GABRA4: variants seen among roughly 807,000 people sequenced by gnomAD.
The protein encoded by GABRA4 is gamma-aminobutyric acid type A receptor subunit alpha4, also known as gamma-aminobutyric acid receptor subunit alpha-4.
A neutral mutation model predicts 49.7 loss-of-function variants in GABRA4; 12 were observed. The ratio of observed to expected loss-of-function variants is 0.24; its 90% CI spans 0.15 to 0.39. The LOEUF (loss-of-function observed/expected upper bound fraction) is 0.39, where lower values mean the gene tolerates loss of function less well. Ranked by LOEUF, GABRA4 falls within the 10% of genes least tolerant of loss-of-function variation. The probability of loss-of-function intolerance (pLI) is 1.00; values close to 1 mark genes in which losing one functional copy is unlikely to be tolerated. For synonymous variants in GABRA4, 288 were observed against 240.2 expected, an observed-to-expected ratio of 1.20 and a Z score of -1.84; for missense variants, 506 against 686.0, an observed-to-expected ratio of 0.74 and a Z score of 2.93.
chr4:46,939,782 A>G (rs1721729903), intron 8 of GABRA4, among the ~76,000 whole-genome samples: 1 of 151,924 alleles, frequency 6.6e-6, no homozygotes, highest in Non-Finnish European at 1.5e-5. Flanking sequence ...CTCACAAAAA[A>G]TTTTCTCATG....
chr4:46,977,275 A>AGGG, intron 4 of GABRA4, 132 bp from the exon 5 acceptor site: 2 of 427,600 alleles, frequency 4.7e-6, no homozygotes, highest in Non-Finnish European at 8.3e-6. Flanking sequence ...GAAGGAAGGG[A>AGGG]AGGAGGAAGG....
At chr4:46,949,780 T>A (rs1577760384) in intron 8 of GABRA4, among the ~76,000 whole-genome samples, 1 of 152,070 alleles carries the variant, frequency 6.6e-6, no homozygotes, top group Non-Finnish European at 1.5e-5. Flanking sequence ...TGAATGCAAT[T>A]CATAAGAAAC....
At chr4:46,978,948 C>G in intron 3 of GABRA4, 83 bp downstream of exon 3, 1 of 905,844 alleles carries the variant, frequency 1.1e-6, no homozygotes, top group Non-Finnish European at 1.8e-6. Flanking sequence ...GTGTGATTGA[C>G]AACAAAATAA....
At chr4:46,931,562 T>C (rs576108955) in intron 8 of GABRA4, among the ~76,000 whole-genome samples, 1 of 152,282 alleles carries the variant, frequency 6.6e-6, no homozygotes, top group South Asian at 2.1e-4. Context: ...TCCATATTCA[T>C]GCTCCACATT....
chr4:46,928,548 C>A lies in GABRA4; in HGVS notation c.1342G>T (p.Ala448Ser), dbSNP rs773406091. The A allele has an allele frequency of 1.9e-6, 3 of 1,613,656 alleles. No individual in the cohort carries two copies. Among genetic ancestry groups the A allele is most frequent in the Non-Finnish European group, 2.5e-6 (3 of 1,179,762 alleles). Residue 448 changes from alanine (A) to serine (S), a missense_variant, in exon 9 of 9, where the codon GCA (alanine) becomes TCA (serine). This residue lies in a region of GABRA4 where 243 missense variants were observed against 210.8 expected (regional missense o/e 1.15). Coordinates refer to ENST00000264318, the MANE Select transcript of GABRA4 (RefSeq NM_000809.4). ...GGAGAAGCAGATGGAAGTGCTCTTG[C>A]TGCAGATATGGTTTCAGCTGCATTT... ...RANAAETISA[A>S]RALPSASPTS...
At chr4:46,939,001 A>G (rs1028005) in intron 8 of GABRA4, among the ~76,000 whole-genome samples, 42,331 of 151,874 alleles carry the variant, frequency 0.28, 6,306 homozygotes, top group Admixed American at 0.39. Context: ...AGCCTGGGAG[A>G]TGGGAAAACC....
chr4:46,990,593 A>T (rs925206802), intron 2 of GABRA4, among the ~76,000 whole-genome samples: 3 of 152,224 alleles, frequency 2.0e-5, no homozygotes, highest in African/African-American at 7.2e-5. Context: ...ACTACATAGG[A>T]CTGGATACTT....
At chr4:46,970,988 A>T in intron 7 of GABRA4, 95 bp downstream of exon 7, 3 of 1,115,834 alleles carry the variant, frequency 2.7e-6, no homozygotes, top group Non-Finnish European at 2.6e-6. Context: ...GGATAGCCTG[A>T]TGTATTAGGG....
At chr4:46,940,349 T>C (rs569198725) in intron 8 of GABRA4, among the ~76,000 whole-genome samples, 1 of 152,188 alleles carries the variant, frequency 6.6e-6, no homozygotes, top group Non-Finnish European at 1.5e-5. Context: ...GAGCTCTATC[T>C]CTTGTTTCTG....
intron 5 of GABRA4, among the ~76,000 whole-genome samples, chr4:46,976,625 A>G (rs1723147753): frequency 1.3e-5 from 2 of 151,836 alleles, no homozygotes. Context: ...ACTTCTTCCA[A>G]GTTAGCTATG....
At chr4:46,933,705 G>A (rs969938906) in intron 8 of GABRA4, among the ~76,000 whole-genome samples, 6 of 152,176 alleles carry the variant, frequency 3.9e-5, no homozygotes, top group Admixed American at 2.0e-4. Context: ...CAACTAATGT[G>A]TCAGAGTGAT....
intron 2 of GABRA4, among the ~76,000 whole-genome samples, chr4:46,980,373 CA>C (rs35377347): frequency 0.11 from 14,516 of 127,150 alleles, 673 homozygotes; most frequent in South Asian, 0.22. Flanking sequence ...CGATTTATGC[CA>C]AAAAAAAAAA....
rs1397915830 is a variant in GABRA4, at chr4:46,921,658, A to C, written c.*6567T>G. 1 of 152,046 alleles carries C rather than the reference A, an allele frequency of 6.6e-6. No homozygotes were observed. Among genetic ancestry groups the C allele is most frequent in the Non-Finnish European group, 1.5e-5 (1 of 67,982 alleles). 9.4% of individuals were successfully genotyped at this position (152,046 alleles called of 1,614,324 possible). ...GCTCTGGTGGTCATATCAGTAAAAG[A>C]TACTCTGGTCAATCCCTGGTCTATT... On this transcript the variant is annotated 3_prime_UTR_variant, in exon 9 of 9. Coordinates refer to ENST00000264318, the MANE Select transcript of GABRA4 (RefSeq NM_000809.4).
At chr4:46,956,808 A>G (rs981137175) in intron 8 of GABRA4, among the ~76,000 whole-genome samples, 6 of 152,056 alleles carry the variant, frequency 3.9e-5, no homozygotes, top group African/African-American at 1.4e-4. Context: ...CACATTTCCT[A>G]TTGTCAGATT....
intron 2 of GABRA4, among the ~76,000 whole-genome samples, chr4:46,984,121 G>T (rs780389808): frequency 2.6e-5 from 4 of 152,004 alleles, no homozygotes; most frequent in Admixed American, 6.6e-5. Context: ...CTCCAATAAT[G>T]ATGTCTAATT....
At chr4:46,971,449 T>C (rs1238131627) in intron 6 of GABRA4, among the ~76,000 whole-genome samples, 1 of 151,558 alleles carries the variant, frequency 6.6e-6, no homozygotes, top group Non-Finnish European at 1.5e-5. Context: ...TTCCGTGTAA[T>C]GATTAAGCAA....
intron 2 of GABRA4, among the ~76,000 whole-genome samples, chr4:46,992,189 A>G (rs1033110674): frequency 1.3e-5 from 2 of 152,230 alleles, no homozygotes; most frequent in Admixed American, 6.5e-5. Flanking sequence ...ATGTACCTCT[A>G]TTAAGTCCTT....
At position 46,919,891 on chromosome 4, in the gene GABRA4, C is replaced by A. The variant is rs999035610; in HGVS notation, c.*8334G>T. ...CATAGATACACCTTTGCATGAAAACCGGATTCTCATTCAATTTACAATGAA... is the reference window on the plus strand; with the variant it reads ...CATAGATACACCTTTGCATGAAAACAGGATTCTCATTCAATTTACAATGAA... On this transcript the variant is annotated 3_prime_UTR_variant, in exon 9 of 9. Transcript: ENST00000264318. 6.6e-6 allele frequency: 1 copy of A among 151,560 alleles called. No homozygotes were observed. The highest frequency in any genetic ancestry group is 1.5e-5 in the Non-Finnish European group (1 of 67,612). 9.4% of individuals were successfully genotyped at this position (151,560 alleles called of 1,614,324 possible). A position where few individuals can be genotyped will look rare whatever the true frequency, so the allele number is the denominator to read the frequency against.
In GABRA4 at chr4:46,993,449, C is replaced by T. The variant is rs766116799; in HGVS notation, c.-25G>A. ...TCTTTGCAACATGCCATACTTCAAG[C>T]CTGTTCACGTTTCCAGGCTCTTCAG... is the stretch of plus-strand genomic sequence containing the variant. On this transcript the variant is annotated 5_prime_UTR_variant, in exon 1 of 9. Coordinates refer to ENST00000264318, the MANE Select transcript of GABRA4 (RefSeq NM_000809.4). 1.2e-6 allele frequency: 2 copies of T among 1,612,318 alleles called. No homozygotes were observed. The highest frequency in any genetic ancestry group is 3.3e-5 in the Admixed American group (2 of 60,000).
Sources: allele counts gnomAD v4.1 joint callset (sites outside exome capture counted in the v4.1 genomes callset), GRCh38; gene constraint gnomAD v4.1.1; regional missense constraint gnomAD v4.1.1; transcripts MANE v1.5; gene names NCBI Gene and HGNC (gene_info 2026-07-23, HGNC 2026-07-21).